The following LRRC4C variants were observed in gnomAD, a reference collection of about 807,000 sequenced individuals.
LRRC4C encodes leucine rich repeat containing 4C.
LRRC4C carries 5 observed loss-of-function variants against 33.6 expected under a neutral mutation model. The ratio of observed to expected loss-of-function variants is 0.15; its 90% CI spans 0.08 to 0.31. The LOEUF is 0.31. LRRC4C is among the 10% of genes least tolerant of loss of function. The pLI is 1.00. For synonymous variants in LRRC4C, 329 were observed against 302.0 expected (o/e 1.09, Z -0.93); for missense variants, 560 against 796.7 (o/e 0.70, Z 3.58).
At chr11:40,635,936 G>A (rs935857361) in intron 3 of LRRC4C, among the ~76,000 whole-genome samples, 1 of 152,020 alleles carries the variant, frequency 6.6e-6, no homozygotes, top group Admixed American at 6.5e-5. Flanking sequence ...ACTGCGCCCG[G>A]CCAGAAGAGC....
chr11:41,440,663 C>A (rs1238354065), intron 1 of LRRC4C, among the ~76,000 whole-genome samples: 1 of 152,062 alleles, frequency 6.6e-6, no homozygotes. Context: ...TTGTAATCCC[C>A]ATGTGTCACG....
chr11:41,362,686 C>G (rs1952397665), intron 1 of LRRC4C, among the ~76,000 whole-genome samples: 1 of 152,142 alleles, frequency 6.6e-6, no homozygotes, highest in Admixed American at 6.5e-5. Context: ...AAAGCAGTTT[C>G]ACTGTGCTAA....
At chr11:40,477,927 C>G (rs1020917977) in intron 3 of LRRC4C, among the ~76,000 whole-genome samples, 6 of 152,118 alleles carry the variant, frequency 3.9e-5, no homozygotes, top group Admixed American at 6.6e-5. Flanking sequence ...CAGGTCTTTT[C>G]TGTGCAGTTC....
At chr11:40,400,712 T>A (rs758258572) in intron 3 of LRRC4C, among the ~76,000 whole-genome samples, 8 of 152,126 alleles carry the variant, frequency 5.3e-5, no homozygotes, top group Non-Finnish European at 8.8e-5. Flanking sequence ...ATGCTTTTAC[T>A]TCTGTTGCTT....
intron 3 of LRRC4C, among the ~76,000 whole-genome samples, chr11:40,585,513 G>A (rs1015308187): frequency 1.3e-5 from 2 of 149,756 alleles, no homozygotes; most frequent in Non-Finnish European, 3.0e-5. Flanking sequence ...GGGTACATGT[G>A]CACATTGTGC....
intron 1 of LRRC4C, among the ~76,000 whole-genome samples, chr11:41,148,933 C>T (rs961530475): frequency 2.6e-5 from 4 of 152,156 alleles, no homozygotes; most frequent in African/African-American, 9.7e-5. Flanking sequence ...CCAGCTAAAT[C>T]TGCATCCCTC....
intron 1 of LRRC4C, among the ~76,000 whole-genome samples, chr11:41,331,229 C>T (rs937348864): frequency 6.6e-6 from 1 of 152,194 alleles, no homozygotes; most frequent in African/African-American, 2.4e-5. Context: ...ATCCTTCTTT[C>T]CTTGAGTTAT....
intron 3 of LRRC4C, among the ~76,000 whole-genome samples, chr11:40,538,401 C>A (rs917222732): frequency 2.0e-5 from 3 of 151,868 alleles, no homozygotes; most frequent in Non-Finnish European, 2.9e-5. Flanking sequence ...TCTGTCATTG[C>A]GATAGTTTGC....
At chr11:40,460,059 A>T (rs1952319571) in intron 3 of LRRC4C, among the ~76,000 whole-genome samples, 1 of 152,198 alleles carries the variant, frequency 6.6e-6, no homozygotes, top group Non-Finnish European at 1.5e-5. Context: ...AGACAATTGC[A>T]GCAGTCATAT....
intron 1 of LRRC4C, among the ~76,000 whole-genome samples, chr11:41,057,124 C>A (rs1191412536): frequency 6.6e-6 from 1 of 152,200 alleles, no homozygotes; most frequent in East Asian, 1.9e-4. Context: ...CCCAGAAACG[C>A]CGCCCCCCAT....
intron 2 of LRRC4C, among the ~76,000 whole-genome samples, chr11:40,888,527 T>C (rs1428046859): frequency 1.3e-5 from 2 of 152,038 alleles, no homozygotes; most frequent in Admixed American, 1.3e-4. Flanking sequence ...AGTTGTTCTT[T>C]GCTGAAAAAT....
intron 1 of LRRC4C, among the ~76,000 whole-genome samples, chr11:41,005,627 A>G (rs573895756): frequency 2.0e-5 from 3 of 151,660 alleles, no homozygotes; most frequent in African/African-American, 7.3e-5. Context: ...AAAATAAAAA[A>G]AGCTGCCCCT....
intron 1 of LRRC4C, among the ~76,000 whole-genome samples, chr11:41,034,610 TA>T (rs1856945291): frequency 1.6e-4 from 3 of 18,268 alleles, no homozygotes; most frequent in African/African-American, 2.9e-4. Context: ...TGGTGACGTA[TA>T]TATATATATA....
intron 1 of LRRC4C, among the ~76,000 whole-genome samples, chr11:41,153,855 C>T (rs1944108827): frequency 1.3e-5 from 2 of 151,912 alleles, no homozygotes; most frequent in Admixed American, 1.3e-4. Context: ...ATGAGATGAG[C>T]CATGTGGGCT....
chr11:40,472,979 A>T (rs1953018774), intron 3 of LRRC4C, among the ~76,000 whole-genome samples: 2 of 152,214 alleles, frequency 1.3e-5, no homozygotes, highest in Non-Finnish European at 2.9e-5. Context: ...CTACCAACCA[A>T]AACAGCCTGG....
chr11:40,404,039 G>A (rs2137570502), intron 3 of LRRC4C, among the ~76,000 whole-genome samples: 1 of 152,274 alleles, frequency 6.6e-6, no homozygotes, highest in East Asian at 1.9e-4. Context: ...TCTCATGTTT[G>A]CTTAATGAGA....
At chr11:40,866,758 A>G (rs1296858879) in intron 2 of LRRC4C, among the ~76,000 whole-genome samples, 1 of 152,158 alleles carries the variant, frequency 6.6e-6, no homozygotes, top group African/African-American at 2.4e-5. Context: ...TATTTTCTGC[A>G]CAGCATGTAG....
chr11:40,231,596 C>G (rs1398463693), intron 5 of LRRC4C, among the ~76,000 whole-genome samples: 1 of 151,984 alleles, frequency 6.6e-6, no homozygotes, highest in Non-Finnish European at 1.5e-5. Flanking sequence ...TCCCAATAAC[C>G]CTAAGATATT....
chr11:41,190,148 A>G (rs916646988), intron 1 of LRRC4C, among the ~76,000 whole-genome samples: 1 of 152,170 alleles, frequency 6.6e-6, no homozygotes, highest in Admixed American at 6.5e-5. Flanking sequence ...TTTTGCAAGG[A>G]CACTAGCTTT....
Sources: allele counts gnomAD v4.1 joint callset (sites outside exome capture counted in the v4.1 genomes callset), GRCh38; gene constraint gnomAD v4.1.1; transcripts MANE v1.5; gene names NCBI Gene and HGNC (gene_info 2026-07-23, HGNC 2026-07-21).